The following C6orf89 variants were observed in gnomAD, a reference collection of about 807,000 sequenced individuals.
C6orf89 encodes bombesin receptor-activated protein C6orf89.
C6orf89 carries 29 observed loss-of-function variants against 40.7 expected under a neutral mutation model. The observed-to-expected ratio is 0.71, with a 90% CI of 0.53 to 0.97. C6orf89 has a LOEUF of 0.97. C6orf89 is among the 50% of genes least tolerant of loss of function. The probability of loss-of-function intolerance (pLI) is 0.00; values close to 1 mark genes in which losing one functional copy is unlikely to be tolerated. For missense variants in C6orf89, 392 were observed against 429.1 expected (o/e 0.91, Z 0.76); for synonymous variants, 165 against 152.2 (o/e 1.08, Z -0.62).
chr6:36,900,166 C>T (rs1402927231), intron 3 of C6orf89, among the ~76,000 whole-genome samples: 5 of 149,842 alleles, frequency 3.3e-5, no homozygotes, highest in East Asian at 2.0e-4. Flanking sequence ...GGATTATAGG[C>T]GTGAGCCACC....
chr6:36,890,541 T>G (rs1039612753), intron 1 of C6orf89, among the ~76,000 whole-genome samples: 3 of 151,790 alleles, frequency 2.0e-5, no homozygotes, highest in Non-Finnish European at 4.4e-5. Context: ...AAAAAAAAAT[T>G]TTATTCTTTT....
chr6:36,897,129 CAAAAAAAAAAA>C (rs34191608), intron 2 of C6orf89, among the ~76,000 whole-genome samples: 1 of 85,396 alleles, frequency 1.2e-5, no homozygotes, highest in Non-Finnish European at 2.3e-5. Context: ...GACTCTGTCT[CAAAAAAAAAAA>C]AAAAAAAAAA....
In C6orf89 at chr6:36,921,651, TTTTG is replaced by T. The variant is rs552682663; in HGVS notation, c.950-1692_950-1689del. 1.1e-4 allele frequency among the ~76,000 whole-genome samples: 17 copies of T among 152,332 alleles called. No individual in the cohort carries two copies. In the South Asian group the frequency reaches 3.5e-3, roughly 32 times the overall value. On this transcript the variant is annotated intron_variant, in intron 8 of 8. Transcript: ENST00000480824. ...AATAAATTTCCCATCAAGAGATTTTTTTTGTTTAAAATTTTATTTTCTTATGGTA... is the reference window on the plus strand; with the variant it reads ...AATAAATTTCCCATCAAGAGATTTTTTTTAAAATTTTATTTTCTTATGGTA...
chr6:36,873,262 C>T (rs1346313400), intron 1 of C6orf89, among the ~76,000 whole-genome samples: 2 of 151,908 alleles, frequency 1.3e-5, no homozygotes, highest in East Asian at 3.9e-4. Context: ...CCTAAGGATA[C>T]AATATGTGCA....
intron 1 of C6orf89, among the ~76,000 whole-genome samples, chr6:36,872,980 GTA>G (rs768526245): frequency 6.6e-6 from 1 of 152,184 alleles, no homozygotes; most frequent in African/African-American, 2.4e-5. Context: ...CACTCTATAA[GTA>G]TATGAGGAGT....
intron 6 of C6orf89, 59 bp from the exon 7 acceptor site, chr6:36,916,386 T>G: frequency 6.2e-7 from 1 of 1,604,624 alleles, no homozygotes; most frequent in Non-Finnish European, 8.5e-7. Context: ...TGGCTCTCTC[T>G]TAGTCATGGG....
At chr6:36,886,181 T>C (rs1774979786) in intron 1 of C6orf89, among the ~76,000 whole-genome samples, 153 bp downstream of exon 1, 1 of 152,322 alleles carries the variant, frequency 6.6e-6, no homozygotes, top group Admixed American at 6.5e-5. Flanking sequence ...TCCAGTTTTG[T>C]AGACTGACAG....
chr6:36,919,577 G>A lies in C6orf89; in HGVS notation c.826-1G>A. On this transcript the variant is annotated splice_acceptor_variant, in intron 7 of 8. Transcript: ENST00000480824. LOFTEE classifies it high-confidence loss of function. ...CCTCCCCTCCTCATTCTTTCCTCCA[G>A]ATGCATAAGATGCCTGACCTATTTA... 6.2e-7 allele frequency: 1 copy of A among 1,612,442 alleles called. No homozygotes were observed. Among genetic ancestry groups the A allele is most frequent in the Non-Finnish European group, 8.5e-7 (1 of 1,178,928 alleles).
At chr6:36,922,652 C>CCTAGTGTTT (rs1762551794) in intron 8 of C6orf89, among the ~76,000 whole-genome samples, 1 of 152,184 alleles carries the variant, frequency 6.6e-6, no homozygotes, top group Admixed American at 6.5e-5. Flanking sequence ...CTTGGGGAAA[C>CCTAGTGTTT]CTAGTGTTTC....
intron 6 of C6orf89, 54 bp from the exon 7 acceptor site, chr6:36,916,388 AGTC>A (rs1762322298): frequency 6.2e-7 from 1 of 1,604,340 alleles, no homozygotes; most frequent in African/African-American, 1.3e-5. Context: ...GCTCTCTCTT[AGTC>A]ATGGGCTGGC....
upstream of C6orf89, among the ~76,000 whole-genome samples, chr6:36,882,986 G>A (rs911277167): frequency 7.2e-5 from 11 of 151,792 alleles, no homozygotes; most frequent in East Asian, 5.8e-4. Context: ...TGATCCACCC[G>A]CCTCGGCCTC....
At chr6:36,872,257 A>G (rs1329251091) in intron 1 of C6orf89, among the ~76,000 whole-genome samples, 1 of 152,198 alleles carries the variant, frequency 6.6e-6, no homozygotes, top group Non-Finnish European at 1.5e-5. Context: ...AAAAAGAGAC[A>G]TTAAAATATC....
At chr6:36,904,193 C>T (rs926820524) in intron 4 of C6orf89, among the ~76,000 whole-genome samples, 1 of 152,188 alleles carries the variant, frequency 6.6e-6, no homozygotes, top group African/African-American at 2.4e-5. Context: ...TCTCCATACA[C>T]GGTTGAACTG....
At chr6:36,921,825 C>G (rs556444169) in intron 8 of C6orf89, among the ~76,000 whole-genome samples, 4 of 152,036 alleles carry the variant, frequency 2.6e-5, no homozygotes, top group African/African-American at 9.6e-5. Context: ...CCCAGGAGTT[C>G]AAGACCAGTC....
At position 36,894,707 on chromosome 6, in the gene C6orf89, C is replaced by T. The variant is rs1366256870; in HGVS notation, c.-20+104C>T. On this transcript the variant is annotated intron_variant, in intron 2 of 8. Coordinates refer to ENST00000480824, the MANE Select transcript of C6orf89 (RefSeq NM_001286635.2). ...GCCTTGAACATGTATGAAATGGGAT[C>T]GATCACAGCTACCTTATGGGATCAC... is the stretch of plus-strand genomic sequence containing the variant. 2 of 206,658 alleles carry T rather than the reference C, an allele frequency of 9.7e-6. 1 individual carries two copies. Among genetic ancestry groups the T allele is most frequent in the Middle Eastern group, 4.7e-3 (2 of 426 alleles). 12.8% of individuals were successfully genotyped at this position (206,658 alleles called of 1,614,324 possible).
chr6:36,897,324 G>T (rs1481105039), intron 2 of C6orf89, among the ~76,000 whole-genome samples: 3 of 152,100 alleles, frequency 2.0e-5, no homozygotes, highest in Non-Finnish European at 4.4e-5. Flanking sequence ...AAGTTTCACA[G>T]TTGATTCTTC....
chr6:36,927,544 A>G lies in C6orf89; in HGVS notation c.*4103A>G, dbSNP rs1238534974. 6.6e-6 allele frequency: 1 copy of G among 152,204 alleles called. No homozygotes were observed. Among genetic ancestry groups the G allele is most frequent in the Non-Finnish European group, 1.5e-5 (1 of 68,024 alleles). 9.4% of individuals were successfully genotyped at this position (152,204 alleles called of 1,614,324 possible). A position where few individuals can be genotyped will look rare whatever the true frequency, so the allele number is the denominator to read the frequency against. ...AGGATTTTGAGCTCTCCTGACAATG[A>G]AGGAAAAGCTCTCTTGAGTATACAA... On this transcript the variant is annotated 3_prime_UTR_variant, in exon 9 of 9. Transcript: ENST00000480824.
chr6:36,882,422 C>G (rs2150670855), upstream of C6orf89, among the ~76,000 whole-genome samples: 1 of 152,322 alleles, frequency 6.6e-6, no homozygotes, highest in East Asian at 1.9e-4. Context: ...ATTGGAGAAA[C>G]AACTGGTATT....
At chr6:36,881,810 T>G (rs189351815), upstream of C6orf89, among the ~76,000 whole-genome samples, 14 of 152,312 alleles carry the variant, frequency 9.2e-5, no homozygotes, top group Admixed American at 8.5e-4. Context: ...ACAACAGAGT[T>G]TTCTTAGAAG....
Sources: allele counts gnomAD v4.1 joint callset (sites outside exome capture counted in the v4.1 genomes callset), GRCh38; gene constraint gnomAD v4.1.1; transcripts MANE v1.5; gene names NCBI Gene and HGNC (gene_info 2026-07-23, HGNC 2026-07-21).